The following PHLDB1 variants were observed in gnomAD, a reference collection of about 807,000 sequenced individuals.
The protein encoded by PHLDB1 is pleckstrin homology like domain family B member 1, also known as pleckstrin homology-like domain family B member 1.
In PHLDB1, 65 loss-of-function variants were observed where a neutral mutation model predicts 139.3. The ratio of observed to expected loss-of-function variants is 0.47; its 90% CI spans 0.38 to 0.57. The LOEUF (loss-of-function observed/expected upper bound fraction) is 0.57. Among genes scored for constraint, PHLDB1 ranks in the 20% least tolerant of loss-of-function variants. The pLI, the probability that PHLDB1 is intolerant of heterozygous loss-of-function variation, is 0.00. For missense variants in PHLDB1, 1,624 were observed against 1,839.7 expected (o/e 0.88, Z 2.14); for synonymous variants, 679 against 734.5 (o/e 0.92, Z 1.22).
intron 18 of PHLDB1, among the ~76,000 whole-genome samples, chr11:118,649,137 G>A (rs1555133207): frequency 6.6e-6 from 1 of 152,068 alleles, no homozygotes; most frequent in African/African-American, 2.4e-5. Context: ...AAAATTAGCT[G>A]GGCGTGGTTT....
rs1280703662 is a variant in PHLDB1, at chr11:118,608,050, C to T, written c.-22+351C>T. Among the ~76,000 whole-genome samples, 2 of 152,042 alleles carry T rather than the reference C, an allele frequency of 1.3e-5. No individual in the cohort carries two copies. The highest frequency in any genetic ancestry group is 2.4e-5 in the African/African-American group (1 of 41,434). On this transcript the variant is annotated intron_variant, in intron 1 of 22. Transcript: ENST00000600882. The surrounding 1 kb of genome is among the most constrained non-coding windows in gnomAD (Gnocchi z 6.7). ...GGCCGGGCGGACACTCGCGGGGTAT[C>T]GGGCGGCGAGCGCGCGCGCGGGTTT...
chr11:118,629,139 A>T (rs1944361790), intron 6 of PHLDB1, among the ~76,000 whole-genome samples: 1 of 152,218 alleles, frequency 6.6e-6, no homozygotes, highest in African/African-American at 2.4e-5. Flanking sequence ...TTCTTTAGAA[A>T]AGTACCTTGT....
chr11:118,642,420 T>G, intron 13 of PHLDB1, 26 bp downstream of exon 13: 1 of 1,599,786 alleles, frequency 6.3e-7, no homozygotes, highest in Non-Finnish European at 8.5e-7. Flanking sequence ...CTGCCCGTCC[T>G]CCCCAGCCTT....
At chr11:118,641,274 G>T in intron 12 of PHLDB1, 1 of 154,228 alleles carries the variant, frequency 6.5e-6, no homozygotes, top group Non-Finnish European at 1.4e-5. Context: ...ACCTCTTTAT[G>T]GATGGCCTAG....
At chr11:118,655,347 T>C in intron 20 of PHLDB1, 1 of 354,604 alleles carries the variant, frequency 2.8e-6, no homozygotes, top group South Asian at 3.8e-5. Flanking sequence ...GTATATTTGT[T>C]GTATGTTTTT....
rs145977828 is a variant in PHLDB1 at position 118,623,631 on chromosome 11, T to C, written c.356-1303T>C. On this transcript the variant is annotated intron_variant, in intron 4 of 22. Coordinates refer to ENST00000600882, the MANE Select transcript of PHLDB1 (RefSeq NM_001144758.3). ...AAAGGTGGTGGTCGCTCCCTAGACT[T>C]GCAGTGCACAGCTCTCCTAAGGTCA... Among the ~76,000 whole-genome samples, 320 of 152,158 alleles carry C rather than the reference T, an allele frequency of 2.1e-3. 10 individuals carry two copies. In the East Asian group the frequency reaches 0.046, roughly 22 times the overall value.
Position 118,627,554 on chromosome 11 carries a change from T to C in PHLDB1, c.731T>C (p.Val244Ala). 1 of 1,614,060 alleles carries C rather than the reference T, an allele frequency of 6.2e-7. No homozygotes were observed. Among genetic ancestry groups the C allele is most frequent in the Non-Finnish European group, 8.5e-7 (1 of 1,179,984 alleles). Reference protein sequence around the residue: ...SPPTSPGAMSVGSSYENTSPA... With the variant: ...SPPTSPGAMSAGSSYENTSPA... ...CCAACCAGCCCCGGCGCCATGTCTGTGGGCTCCAGCTATGAGAACACCTCT... is the reference window on the plus strand; with the variant it reads ...CCAACCAGCCCCGGCGCCATGTCTGCGGGCTCCAGCTATGAGAACACCTCT... Residue 244 changes from valine (V) to alanine (A), a missense_variant, in exon 6 of 23, where the codon GTG becomes GCG. Transcript: ENST00000600882.
chr11:118,607,751 A>G (rs1458292277), intron 1 of PHLDB1, 52 bp downstream of exon 1: 1 of 144,444 alleles, frequency 6.9e-6, no homozygotes, highest in Non-Finnish European at 1.5e-5. Context: ...CTGCGGTGCT[A>G]GGACTGGATA....
Position 118,631,335 on chromosome 11 carries a change from G to A in PHLDB1, c.1956G>A (p.Arg652=), listed in dbSNP as rs138068612. Residue 652 remains arginine (R), a synonymous_variant, in exon 7 of 23, where the codon AGG becomes AGA. Transcript: ENST00000600882. ...CAGCATTGGCACTGGCAGGCCGGAG[G>A]CCCTCACGAGGCCTTGCAGGGGCCT... ...ATAALALAGR[R]PSRGLAGASG... 182 of 1,539,658 alleles carry A rather than the reference G, an allele frequency of 1.2e-4. 1 individual carries two copies. The highest frequency in any genetic ancestry group is 9.3e-4 in the Admixed American group (44 of 47,492).
chr11:118,650,768 C>G lies in PHLDB1; in HGVS notation c.3874+221C>G, dbSNP rs889960914. 6 of 571,004 alleles carry G rather than the reference C, an allele frequency of 1.1e-5. No homozygotes were observed. The East Asian group carries it at 1.8e-4, about 17-fold the overall frequency. 35.4% of individuals were successfully genotyped at this position (571,004 alleles called of 1,614,324 possible). A position where few individuals can be genotyped will look rare whatever the true frequency, so the allele number is the denominator to read the frequency against. On this transcript the variant is annotated intron_variant, in intron 20 of 22. Coordinates refer to ENST00000600882, the MANE Select transcript of PHLDB1 (RefSeq NM_001144758.3). This position sits in a 1 kb window ranked among gnomAD's most constrained non-coding sequence, Gnocchi z 4.7. ...TTCATTCAGCAATGTTACTAAGCATCTAGTAAGTTCTAGGCACTGTTCTAG... is the reference window on the plus strand; with the variant it reads ...TTCATTCAGCAATGTTACTAAGCATGTAGTAAGTTCTAGGCACTGTTCTAG...
At chr11:118,614,430 C>A in intron 2 of PHLDB1, 129 bp from the exon 3 acceptor site, 3 of 940,422 alleles carry the variant, frequency 3.2e-6, no homozygotes, top group Non-Finnish European at 3.2e-6. Context: ...AGATTTTGTG[C>A]TAAGCCTTTC....
At chr11:118,609,507 A>ACGCAGCCCAGC (rs1939759167) in intron 1 of PHLDB1, among the ~76,000 whole-genome samples, 3 of 135,602 alleles carry the variant, frequency 2.2e-5, no homozygotes, top group Non-Finnish European at 3.2e-5. Context: ...CAGCTCACAC[A>ACGCAGCCCAGC]TGCAGCCCCC....
chr11:118,625,149 G>C, intron 5 of PHLDB1, 90 bp downstream of exon 5: 1 of 1,440,980 alleles, frequency 6.9e-7, no homozygotes, highest in South Asian at 1.4e-5. Context: ...TGGAGTGTTA[G>C]GGCAAGACAA....
Position 118,645,577 on chromosome 11 carries a change from G to A in PHLDB1, c.3343G>A (p.Glu1115Lys). Residue 1115 changes from glutamate to lysine, a missense_variant, in exon 16 of 23, where the codon GAG becomes AAG. Transcript: ENST00000600882. The surrounding 1 kb of genome is among the most constrained non-coding windows in gnomAD (Gnocchi z 5.1). ...GEHAYDTLSL[E>K]SSDSMETSIS... ...GCACGCCTATGATACGCTGAGTCTG[G>A]AGAGCTCTGACAGCATGGAGACCAG... The A allele has an allele frequency of 6.2e-7, 1 of 1,613,872 alleles. No homozygotes were observed. Among genetic ancestry groups the A allele is most frequent in the African/African-American group, 1.3e-5 (1 of 75,034 alleles).
At chr11:118,623,144 G>A (rs563806471) in intron 4 of PHLDB1, among the ~76,000 whole-genome samples, 4 of 152,356 alleles carry the variant, frequency 2.6e-5, no homozygotes, top group East Asian at 1.9e-4. Flanking sequence ...CTGTCTCAGC[G>A]TCCAGGAATG....
At chr11:118,617,098 T>C (rs542634066) in intron 4 of PHLDB1, among the ~76,000 whole-genome samples, 14 of 152,142 alleles carry the variant, frequency 9.2e-5, no homozygotes, top group African/African-American at 3.4e-4. Context: ...CCATAATTAC[T>C]ATGGTTAGCA....
In PHLDB1 at chr11:118,641,745, G is replaced by C. The variant is rs1210887709; in HGVS notation, c.2737-509G>C. ...CCACCACCTGCCTTCCTCCCATGCTGCCCTCCTCCTCGTTCGCTTCCATCA... is the reference window on the plus strand; with the variant it reads ...CCACCACCTGCCTTCCTCCCATGCTCCCCTCCTCCTCGTTCGCTTCCATCA... On this transcript the variant is annotated intron_variant, in intron 12 of 22. Transcript: ENST00000600882. The C allele has an allele frequency of 3.1e-6, 4 of 1,289,828 alleles. No homozygotes were observed. The South Asian group carries it at 4.9e-5, about 16-fold the overall frequency. 79.9% of individuals were successfully genotyped at this position (1,289,828 alleles called of 1,614,324 possible). A position where few individuals can be genotyped will look rare whatever the true frequency, so the allele number is the denominator to read the frequency against.
intron 10 of PHLDB1, among the ~76,000 whole-genome samples, chr11:118,638,355 T>A (rs1945984196): frequency 6.6e-6 from 1 of 152,246 alleles, no homozygotes. Context: ...TGTGGATTTT[T>A]AAAAAATTAT....
chr11:118,628,741 C>A, intron 6 of PHLDB1, 91 bp downstream of exon 6: 2 of 1,289,290 alleles, frequency 1.6e-6, no homozygotes, highest in Non-Finnish European at 2.1e-6. Flanking sequence ...GAGAGGCCCT[C>A]AAACAGGGCT....
Sources: allele counts gnomAD v4.1 joint callset (sites outside exome capture counted in the v4.1 genomes callset), GRCh38; gene constraint gnomAD v4.1.1; non-coding constraint Gnocchi (gnomAD v3.1); transcripts MANE v1.5; gene names NCBI Gene and HGNC (gene_info 2026-07-23, HGNC 2026-07-21).